RAB27B: variants seen among roughly 807,000 people sequenced by gnomAD.
RAB27B encodes ras-related protein Rab-27B.
In RAB27B, 15 loss-of-function variants were observed where a neutral mutation model predicts 24.6. That is an observed-to-expected ratio of 0.61 (90% CI 0.41 to 0.94). The LOEUF is 0.94. Ranked by LOEUF, RAB27B falls within the 40% of genes least tolerant of loss-of-function variation. The pLI, the probability that RAB27B is intolerant of heterozygous loss-of-function variation, is 0.00. For missense variants in RAB27B, 261 were observed against 266.8 expected, an observed-to-expected ratio of 0.98 and a Z score of 0.15; for synonymous variants, 105 against 92.5, an observed-to-expected ratio of 1.14 and a Z score of -0.78.
At position 54,877,552 on chromosome 18, in the gene RAB27B, C is replaced by A; in HGVS notation, c.-19-15C>A. The A allele has an allele frequency of 7.4e-7, 1 of 1,357,204 alleles. No individual in the cohort carries two copies. Among genetic ancestry groups the A allele is most frequent in the Non-Finnish European group, 9.6e-7 (1 of 1,042,318 alleles). 84.1% of individuals were successfully genotyped at this position (1,357,204 alleles called of 1,614,324 possible). A position where few individuals can be genotyped will look rare whatever the true frequency, so the allele number is the denominator to read the frequency against. On this transcript the variant is annotated splice_polypyrimidine_tract_variant and intron_variant, in intron 1 of 5. Coordinates refer to ENST00000262094, the MANE Select transcript of RAB27B (RefSeq NM_004163.4). ...ACTTTAATCAAAACATACTTGTTTT[C>A]CCTCTCCTATACAGACCGACCAAGA...
chr18:54,734,648 T>G (rs966524988), intron 2 of RAB27B, among the ~76,000 whole-genome samples: 2 of 152,190 alleles, frequency 1.3e-5, no homozygotes, highest in Non-Finnish European at 2.9e-5. Context: ...TTCTGATATA[T>G]TTATATGAAT....
chr18:54,733,692 A>G (rs910386863), intron 2 of RAB27B, among the ~76,000 whole-genome samples: 1 of 128,780 alleles, frequency 7.8e-6, no homozygotes, highest in African/African-American at 2.8e-5. Flanking sequence ...GCCTTCCAGA[A>G]GTTTACTTCT....
At chr18:54,771,970 G>A (rs2145072162) in intron 2 of RAB27B, among the ~76,000 whole-genome samples, 1 of 152,302 alleles carries the variant, frequency 6.6e-6, no homozygotes, top group East Asian at 1.9e-4. Flanking sequence ...ATGGAATAAA[G>A]AGTTTCACAT....
At chr18:54,759,541 C>G (rs148231214) in intron 2 of RAB27B, among the ~76,000 whole-genome samples, 145 of 152,320 alleles carry the variant, frequency 9.5e-4, no homozygotes, top group African/African-American at 3.4e-3. Context: ...GTGATACCGA[C>G]AGAAGGCAGG....
chr18:54,821,681 A>G (rs1910315610), intron 2 of RAB27B, among the ~76,000 whole-genome samples: 1 of 152,254 alleles, frequency 6.6e-6, no homozygotes, highest in Admixed American at 6.5e-5. Context: ...ATTATTTCCC[A>G]AAAGTATAGT....
At chr18:54,830,613 T>A (rs1244354394) in intron 1 of RAB27B, among the ~76,000 whole-genome samples, 2 of 152,206 alleles carry the variant, frequency 1.3e-5, no homozygotes, top group African/African-American at 4.8e-5. Context: ...GGGAATGATT[T>A]TTTTTTTAAA....
intron 2 of RAB27B, among the ~76,000 whole-genome samples, chr18:54,817,010 C>T (rs531551745): frequency 5.3e-5 from 8 of 152,056 alleles, no homozygotes; most frequent in Non-Finnish European, 1.0e-4. Context: ...GTCTGATATA[C>T]AATACTTTTA....
chr18:54,867,933 G>A (rs542143425), intron 1 of RAB27B, among the ~76,000 whole-genome samples: 2 of 152,082 alleles, frequency 1.3e-5, no homozygotes, highest in Non-Finnish European at 1.5e-5. Flanking sequence ...GTGGCTTCCC[G>A]TGGAACTGCA....
intron 1 of RAB27B, among the ~76,000 whole-genome samples, chr18:54,871,589 C>T (rs778870925): frequency 2.0e-5 from 3 of 152,008 alleles, no homozygotes; most frequent in Non-Finnish European, 2.9e-5. Flanking sequence ...TTGAGCTTTC[C>T]GAAGTGTCTT....
chr18:54,720,306 T>A (rs2144969580), intron 2 of RAB27B, among the ~76,000 whole-genome samples: 1 of 152,234 alleles, frequency 6.6e-6, no homozygotes, highest in East Asian at 1.9e-4. Flanking sequence ...CAGGTAGATA[T>A]CAATATTATA....
intron 2 of RAB27B, among the ~76,000 whole-genome samples, chr18:54,741,867 A>G (rs1910083246): frequency 6.6e-6 from 1 of 152,174 alleles, no homozygotes; most frequent in African/African-American, 2.4e-5. Context: ...CTTTTGCCTA[A>G]GCTGGCAGTA....
chr18:54,792,877 T>C (rs1909296806), intron 2 of RAB27B, among the ~76,000 whole-genome samples: 1 of 152,220 alleles, frequency 6.6e-6, no homozygotes, highest in Non-Finnish European at 1.5e-5. Context: ...CCAGTGTCAA[T>C]AGCATAATAC....
At chr18:54,755,923 T>G (rs1181704603) in intron 2 of RAB27B, among the ~76,000 whole-genome samples, 1 of 152,188 alleles carries the variant, frequency 6.6e-6, no homozygotes, top group Non-Finnish European at 1.5e-5. Context: ...AAATCTGTCC[T>G]TTGTCACAGC....
intron 2 of RAB27B, among the ~76,000 whole-genome samples, chr18:54,769,914 C>T (rs1035208815): frequency 6.6e-6 from 1 of 152,108 alleles, no homozygotes; most frequent in South Asian, 2.1e-4. Context: ...CTTGCTGTCT[C>T]CCAGGCTGGA....
intron 1 of RAB27B, among the ~76,000 whole-genome samples, chr18:54,861,400 T>C (rs1912003516): frequency 6.6e-6 from 1 of 152,220 alleles, no homozygotes; most frequent in Non-Finnish European, 1.5e-5. Context: ...AGAAAAGGGA[T>C]GGATTATCTG....
At chr18:54,867,423 C>CTTTCTTTTCT (rs199804927) in intron 1 of RAB27B, among the ~76,000 whole-genome samples, 5 of 124,852 alleles carry the variant, frequency 4.0e-5, no homozygotes, top group African/African-American at 8.8e-5. Flanking sequence ...AAGCCTGATG[C>CTTTCTTTTCT]TTTCTTTTCT....
chr18:54,861,579 A>G (rs531665987), intron 1 of RAB27B, among the ~76,000 whole-genome samples: 1 of 152,322 alleles, frequency 6.6e-6, no homozygotes, highest in South Asian at 2.1e-4. Flanking sequence ...CTACTCTTCT[A>G]GTAGCTGTAG....
At chr18:54,811,674 C>T (rs561129156) in intron 2 of RAB27B, among the ~76,000 whole-genome samples, 13 of 152,208 alleles carry the variant, frequency 8.5e-5, no homozygotes, top group Non-Finnish European at 1.6e-4. Context: ...GATCAGCTAT[C>T]GATTTACGTT....
At chr18:54,867,042 T>C (rs938645978) in intron 1 of RAB27B, among the ~76,000 whole-genome samples, 5 of 152,214 alleles carry the variant, frequency 3.3e-5, no homozygotes, top group African/African-American at 1.2e-4. Context: ...GAGTAGGTTG[T>C]GGGTCACACC....
Sources: allele counts gnomAD v4.1 joint callset (sites outside exome capture counted in the v4.1 genomes callset), GRCh38; gene constraint gnomAD v4.1.1; transcripts MANE v1.5; gene names NCBI Gene and HGNC (gene_info 2026-07-23, HGNC 2026-07-21).